The following IL1RAPL1 variants were observed in gnomAD, a reference collection of about 807,000 sequenced individuals.
The protein encoded by IL1RAPL1 is interleukin-1 receptor accessory protein-like 1.
In IL1RAPL1, 3 loss-of-function variants were observed where a neutral mutation model predicts 48.4. That is an observed-to-expected ratio of 0.06 (90% CI 0.03 to 0.16). IL1RAPL1 has a LOEUF of 0.16. Ranked by LOEUF, IL1RAPL1 falls within the 10% of genes least tolerant of loss-of-function variation. The probability of loss-of-function intolerance (pLI) is 1.00; values close to 1 mark genes in which losing one functional copy is unlikely to be tolerated. For synonymous variants in IL1RAPL1, 185 were observed against 187.7 expected, an observed-to-expected ratio of 0.99 and a Z score of 0.12; for missense variants, 349 against 530.6, an observed-to-expected ratio of 0.66 and a Z score of 3.36.
intron 1 of IL1RAPL1, among the ~76,000 whole-genome samples, chrX:28,785,868 G>T (rs6630758): frequency 0.055 from 6,131 of 111,858 alleles, 315 homozygotes; most frequent in East Asian, 0.29. Flanking sequence ...CTACATCATA[G>T]CAAAACATCT....
intron 2 of IL1RAPL1, among the ~76,000 whole-genome samples, chrX:28,853,865 G>A (rs1921735917): frequency 9.0e-6 from 1 of 111,720 alleles, no homozygotes; most frequent in African/African-American, 3.2e-5. Context: ...TAAGATGAGA[G>A]TGTTTAATTT....
intron 2 of IL1RAPL1, among the ~76,000 whole-genome samples, chrX:28,919,327 G>A (rs990319983): frequency 2.1e-4 from 24 of 112,120 alleles, no homozygotes; most frequent in African/African-American, 7.5e-4. Flanking sequence ...GTTGCTCTCT[G>A]TAGTCGTAGT....
chrX:29,844,945 G>A (rs1327487811), intron 6 of IL1RAPL1, among the ~76,000 whole-genome samples: 1 of 112,102 alleles, frequency 8.9e-6, no homozygotes, highest in East Asian at 2.8e-4. Flanking sequence ...CACACAAAGA[G>A]GAAAGCCATG....
chrX:29,171,865 A>T (rs1318951989), intron 2 of IL1RAPL1, among the ~76,000 whole-genome samples: 1 of 112,572 alleles, frequency 8.9e-6, no homozygotes, highest in Non-Finnish European at 1.9e-5. Context: ...ATAACACTCC[A>T]TGCATTTGAA....
At chrX:28,612,874 A>G (rs1371491671) in intron 1 of IL1RAPL1, among the ~76,000 whole-genome samples, 1 of 112,047 alleles carries the variant, frequency 8.9e-6, no homozygotes, top group African/African-American at 3.2e-5. Flanking sequence ...TTTTCTCTTC[A>G]GTGGGGAGAA....
intron 1 of IL1RAPL1, among the ~76,000 whole-genome samples, chrX:28,737,194 T>C (rs1382208400): frequency 1.2e-4 from 11 of 94,235 alleles, no homozygotes; most frequent in Non-Finnish European, 1.9e-4. Flanking sequence ...TTCCTTTCTC[T>C]TTCTTTCTTT....
At chrX:29,568,283 A>G (rs4610932) in intron 5 of IL1RAPL1, among the ~76,000 whole-genome samples, 784 of 74,408 alleles carry the variant, frequency 0.011, 117 homozygotes, top group African/African-American at 0.055. Context: ...CTTGATTTAA[A>G]GATCAAGAAT....
At chrX:28,780,895 A>G (rs1936416639) in intron 1 of IL1RAPL1, among the ~76,000 whole-genome samples, 1 of 110,682 alleles carries the variant, frequency 9.0e-6, no homozygotes. Flanking sequence ...TATTTTGACT[A>G]TTTTTGCAAA....
intron 6 of IL1RAPL1, among the ~76,000 whole-genome samples, chrX:29,689,879 T>C (rs894523962): frequency 2.7e-5 from 3 of 112,212 alleles, no homozygotes; most frequent in African/African-American, 9.7e-5. Flanking sequence ...AAAGTTTCAA[T>C]TTCTTATACA....
rs770859193 is a variant in IL1RAPL1 at position 29,760,898 on chromosome X, T to C, written c.778+92394T>C. ...AACAATTTTTTTATTGAGTACCTAT[T>C]ATGTGCCAGGTACAGTTCTAAGCAT... On this transcript the variant is annotated intron_variant, in intron 6 of 10. Coordinates refer to ENST00000378993, the MANE Select transcript of IL1RAPL1 (RefSeq NM_014271.4). Among the ~76,000 whole-genome samples, 3 of 112,235 alleles carry C rather than the reference T, an allele frequency of 2.7e-5. No homozygotes were observed. The East Asian group carries it at 8.3e-4, about 31-fold the overall frequency.
chrX:29,433,910 C>T (rs16988539), intron 5 of IL1RAPL1, among the ~76,000 whole-genome samples: 9,287 of 109,141 alleles, frequency 0.085, 543 homozygotes, highest in African/African-American at 0.21. Flanking sequence ...ATGCATTTTA[C>T]AGTTGTGCCT....
intron 2 of IL1RAPL1, among the ~76,000 whole-genome samples, chrX:29,186,542 G>A (rs1930255643): frequency 9.0e-6 from 1 of 111,488 alleles, no homozygotes; most frequent in African/African-American, 3.3e-5. Flanking sequence ...AGAAAAAGGA[G>A]GAGGAAAGAC....
intron 2 of IL1RAPL1, among the ~76,000 whole-genome samples, chrX:29,112,614 G>A (rs1204544861): frequency 1.8e-5 from 2 of 109,033 alleles, no homozygotes; most frequent in African/African-American, 3.3e-5. Context: ...ATAAATATTC[G>A]CCAAATGTCA....
intron 6 of IL1RAPL1, among the ~76,000 whole-genome samples, chrX:29,818,509 T>A (rs1203922615): frequency 3.6e-5 from 4 of 112,290 alleles, no homozygotes; most frequent in East Asian, 2.8e-4. Flanking sequence ...TGCTGGCCAA[T>A]GAGATTTAGG....
intron 6 of IL1RAPL1, among the ~76,000 whole-genome samples, chrX:29,718,550 A>ACCTATGT (rs772969473): frequency 3.3e-3 from 349 of 104,723 alleles, no homozygotes; most frequent in Non-Finnish European, 5.1e-3. Context: ...GTACATGTAT[A>ACCTATGT]CCTATGTAAC....
At chrX:29,015,456 T>C (rs1194284048) in intron 2 of IL1RAPL1, among the ~76,000 whole-genome samples, 1 of 111,015 alleles carries the variant, frequency 9.0e-6, no homozygotes, top group Non-Finnish European at 1.9e-5. Flanking sequence ...ACTATATTGA[T>C]GGTAGATGCC....
chrX:29,834,275 A>G (rs1343065927), intron 6 of IL1RAPL1, among the ~76,000 whole-genome samples: 1 of 110,414 alleles, frequency 9.1e-6, no homozygotes, highest in Non-Finnish European at 1.9e-5. Context: ...CTAAAAGTCA[A>G]CTCCATGGTC....
At chrX:28,976,803 A>C (rs1234915045) in intron 2 of IL1RAPL1, among the ~76,000 whole-genome samples, 1 of 111,623 alleles carries the variant, frequency 9.0e-6, no homozygotes, top group Non-Finnish European at 1.9e-5. Context: ...AGGTGAAAGG[A>C]AGACAAGGAT....
chrX:28,633,007 A>G (rs1601840967), intron 1 of IL1RAPL1, among the ~76,000 whole-genome samples: 1 of 106,936 alleles, frequency 9.4e-6, no homozygotes, highest in East Asian at 3.0e-4. Context: ...TCCTGCCTCA[A>G]CCTCTTGAGT....
Sources: allele counts gnomAD v4.1 joint callset (sites outside exome capture counted in the v4.1 genomes callset), GRCh38; gene constraint gnomAD v4.1.1; transcripts MANE v1.5; gene names NCBI Gene and HGNC (gene_info 2026-07-23, HGNC 2026-07-21).